GABBR2: variants seen among roughly 807,000 people sequenced by gnomAD.
The protein encoded by GABBR2 is G-protein coupled receptor 51.
A neutral mutation model predicts 105.6 loss-of-function variants in GABBR2; 23 were observed. The ratio of observed to expected loss-of-function variants is 0.22; its 90% CI spans 0.16 to 0.31. GABBR2 has a LOEUF of 0.31. GABBR2 is among the 10% of genes least tolerant of loss of function. The pLI, the probability that GABBR2 is intolerant of heterozygous loss-of-function variation, is 1.00. For missense variants in GABBR2, 734 were observed against 1,245.5 expected, an observed-to-expected ratio of 0.59 and a Z score of 6.18; for synonymous variants, 478 against 499.7, an observed-to-expected ratio of 0.96 and a Z score of 0.58.
chr9:98,637,253 G>A (rs113300500), intron 1 of GABBR2, among the ~76,000 whole-genome samples: 2 of 152,288 alleles, frequency 1.3e-5, no homozygotes, highest in African/African-American at 4.8e-5. Flanking sequence ...TGCACGTGCT[G>A]CATGCGAAAA....
intron 3 of GABBR2, among the ~76,000 whole-genome samples, chr9:98,524,257 A>G (rs919128874): frequency 1.3e-5 from 2 of 152,216 alleles, no homozygotes; most frequent in Non-Finnish European, 2.9e-5. Context: ...TATAAACTGT[A>G]TAGGGCACCT....
At chr9:98,383,829 T>C (rs573634418) in intron 11 of GABBR2, among the ~76,000 whole-genome samples, 4 of 152,274 alleles carry the variant, frequency 2.6e-5, no homozygotes, top group African/African-American at 9.6e-5. Flanking sequence ...CCATGTGCTG[T>C]CCCAGAGCAG....
intron 2 of GABBR2, among the ~76,000 whole-genome samples, chr9:98,543,041 A>G (rs1404783679): frequency 6.6e-6 from 1 of 152,118 alleles, no homozygotes; most frequent in East Asian, 1.9e-4. Flanking sequence ...ATGTGTGTGT[A>G]TTTTAATTTA....
chr9:98,481,082 T>A (rs2808557), intron 4 of GABBR2, 85 bp from the exon 5 acceptor site: 2 of 865,252 alleles, frequency 2.3e-6, no homozygotes, highest in South Asian at 1.3e-5. Context: ...CAACATTCCT[T>A]CACCTCTGGC....
chr9:98,664,943 T>C (rs983377719), intron 1 of GABBR2, among the ~76,000 whole-genome samples: 17 of 150,250 alleles, frequency 1.1e-4, no homozygotes, highest in African/African-American at 2.9e-4. Flanking sequence ...CTGGGCAACA[T>C]AGTGAGACCC....
intron 7 of GABBR2, among the ~76,000 whole-genome samples, chr9:98,432,779 A>G (rs759602274): frequency 8.5e-5 from 13 of 152,076 alleles, no homozygotes; most frequent in Non-Finnish European, 1.3e-4. Context: ...CCTCTATCCT[A>G]CAGATGAATT....
intron 3 of GABBR2, among the ~76,000 whole-genome samples, chr9:98,524,567 A>C (rs1827924671): frequency 6.6e-6 from 1 of 152,062 alleles, no homozygotes; most frequent in Non-Finnish European, 1.5e-5. Flanking sequence ...GCTCCTCTGC[A>C]CTCTCCCTCA....
chr9:98,596,332 A>G (rs2131800315), intron 1 of GABBR2, among the ~76,000 whole-genome samples: 1 of 152,140 alleles, frequency 6.6e-6, no homozygotes, highest in East Asian at 1.9e-4. Flanking sequence ...CTGCCTCAGG[A>G]CCCCTGCACC....
chr9:98,323,653 C>G (rs1830865410), intron 13 of GABBR2, among the ~76,000 whole-genome samples: 1 of 152,204 alleles, frequency 6.6e-6, no homozygotes, highest in Non-Finnish European at 1.5e-5. Context: ...GGCATCCCTC[C>G]CACCCAGGCC....
intron 13 of GABBR2, among the ~76,000 whole-genome samples, chr9:98,324,001 A>T (rs966801758): frequency 6.6e-6 from 1 of 152,132 alleles, no homozygotes; most frequent in African/African-American, 2.4e-5. Flanking sequence ...CCACCCTAGG[A>T]GGTTAGTAGG....
Position 98,480,995 on chromosome 9 carries a change from C to T in GABBR2, c.735G>A (p.Gly245=), listed in dbSNP as rs766129384. The T allele has an allele frequency of 6.3e-7, 1 of 1,594,968 alleles. No individual in the cohort carries two copies. Among genetic ancestry groups the T allele is most frequent in the Non-Finnish European group, 8.6e-7 (1 of 1,162,680 alleles). ...DPCTSVKKLK[G]NDVRIILGQF... ...GGCCAAGGATGATCCGCACATCATT[C>T]CCCTGTGGATGGAAGGACACATCAT... Residue 245 remains glycine (G), a splice_region_variant and synonymous_variant, in exon 5 of 19, where the codon GGG becomes GGA. Coordinates refer to ENST00000259455, the MANE Select transcript of GABBR2 (RefSeq NM_005458.8).
intron 3 of GABBR2, among the ~76,000 whole-genome samples, chr9:98,515,749 C>A (rs1464809297): frequency 4.0e-5 from 6 of 150,950 alleles, no homozygotes; most frequent in Non-Finnish European, 8.8e-5. Context: ...AAGGGGGCCA[C>A]AGGCGACACA....
intron 7 of GABBR2, among the ~76,000 whole-genome samples, chr9:98,450,351 T>A (rs1826209970): frequency 6.6e-6 from 1 of 152,172 alleles, no homozygotes; most frequent in Admixed American, 6.5e-5. Context: ...CACTTTTTAT[T>A]TTGTCAGAAG....
intron 1 of GABBR2, among the ~76,000 whole-genome samples, chr9:98,695,629 T>C (rs987982388): frequency 6.6e-6 from 1 of 152,242 alleles, no homozygotes; most frequent in Admixed American, 6.5e-5. Flanking sequence ...AATAAAATGA[T>C]AACAGTAAAA....
intron 17 of GABBR2, among the ~76,000 whole-genome samples, chr9:98,296,848 A>G (rs1830390581): frequency 6.6e-6 from 1 of 151,526 alleles, no homozygotes; most frequent in Non-Finnish European, 1.5e-5. Flanking sequence ...GATTTTTTTG[A>G]CTGTACTTAT....
chr9:98,682,887 TTTTGTTTG>T (rs56246025), intron 1 of GABBR2, among the ~76,000 whole-genome samples: 1 of 151,726 alleles, frequency 6.6e-6, no homozygotes, highest in Non-Finnish European at 1.5e-5. Flanking sequence ...TTTGATTTTG[TTTTGTTTG>T]TTTGTTTGTT....
intron 14 of GABBR2, among the ~76,000 whole-genome samples, chr9:98,310,802 C>T (rs767119394): frequency 2.6e-5 from 4 of 152,152 alleles, no homozygotes; most frequent in African/African-American, 4.8e-5. Context: ...GGCACAGCCA[C>T]GAGTTTTTGG....
chr9:98,708,595 C>T lies in GABBR2; in HGVS notation c.143G>A (p.Arg48Gln), dbSNP rs1431110237. The T allele has an allele frequency of 2.8e-6, 4 of 1,443,046 alleles. No homozygotes were observed. Among genetic ancestry groups the T allele is most frequent in the African/African-American group, 2.9e-5 (2 of 68,798 alleles). 89.4% of individuals were successfully genotyped at this position (1,443,046 alleles called of 1,614,324 possible). ...GAGCGGCGGGCTGCTGGGCGGCGGC[C>T]GGGGGGCGCCCCGCGCCCAGCCCCA... ...GAWGWARGAP[R>Q]PPPSSPPLSI... Residue 48 changes from arginine (R) to glutamine (Q), a missense_variant, in exon 1 of 19, where the codon CGG becomes CAG. By Grantham distance (43) the Arg-to-Gln change is conservative. Around this residue, in one of 7 missense-constraint regions of GABBR2, gnomAD observed 70 missense variants for 73.4 expected, o/e 0.95. Coordinates refer to ENST00000259455, the MANE Select transcript of GABBR2 (RefSeq NM_005458.8).
rs576342843 is a variant in GABBR2, at chr9:98,428,408, C to T, written c.1237-22267G>A. 2.0e-5 allele frequency among the ~76,000 whole-genome samples: 3 copies of T among 152,332 alleles called. No individual in the cohort carries two copies. The South Asian group carries it at 6.2e-4, about 32-fold the overall frequency. ...AAGGCAAAGGCTGCACCTGACCAAT[C>T]TCCTTCCTCCTGGACTCCAATCTCT... On this transcript the variant is annotated intron_variant, in intron 7 of 18. Transcript: ENST00000259455.
Sources: gnomAD v4.1 joint callset for allele counts (sites outside exome capture counted in the v4.1 genomes callset) on GRCh38, gnomAD v4.1.1 for gene constraint, gnomAD v4.1.1 regional missense constraint, MANE v1.5 for transcripts, NCBI Gene and HGNC (gene_info 2026-07-23, HGNC 2026-07-21) for gene names.